The following ZMYND11 variants were observed in gnomAD, a reference collection of about 807,000 sequenced individuals.
ZMYND11 encodes the protein zinc finger MYND-type containing 11, also known as zinc finger MYND domain-containing protein 11.
ZMYND11 carries 9 observed loss-of-function variants against 84.9 expected under a neutral mutation model. That is an observed-to-expected ratio of 0.11 (90% confidence interval 0.06 to 0.18). ZMYND11 has a LOEUF of 0.18. Among genes scored for constraint, ZMYND11 ranks in the 10% least tolerant of loss-of-function variants. The pLI, the probability that ZMYND11 is intolerant of heterozygous loss-of-function variation, is 1.00. For missense variants in ZMYND11, 409 were observed against 761.0 expected, an observed-to-expected ratio of 0.54 and a Z score of 5.44; for synonymous variants, 250 against 244.1, an observed-to-expected ratio of 1.02 and a Z score of -0.23.
intron 1 of ZMYND11, among the ~76,000 whole-genome samples, chr10:161,337 A>G (rs1350823110): frequency 1.3e-5 from 2 of 150,942 alleles, no homozygotes; most frequent in Admixed American, 1.3e-4. Context: ...GTTAACAGAC[A>G]TGCTGTCATG....
intron 2 of ZMYND11, among the ~76,000 whole-genome samples, chr10:207,554 C>A (rs1365980628): frequency 2.0e-5 from 3 of 152,208 alleles, no homozygotes; most frequent in Non-Finnish European, 4.4e-5. Context: ...GATGGTATCT[C>A]ATTGTGGTTT....
Position 204,058 on chromosome 10 carries a change from A to G in ZMYND11, c.117-5831A>G, listed in dbSNP as rs571861120. Among the ~76,000 whole-genome samples the G allele has an allele frequency of 1.1e-3, 161 of 152,246 alleles. No individual in the cohort carries two copies. In the South Asian group the frequency reaches 0.013, roughly 12 times the overall value. The stretch of plus-strand genomic sequence containing the variant: ...GTTTCTTGCTGCCAGCAATACTAAA[A>G]TGAATTTCCTTCCTTGTATGTGTGT... On this transcript the variant is annotated intron_variant, in intron 2 of 14. Coordinates refer to ENST00000381604, the MANE Select transcript of ZMYND11 (RefSeq NM_001370100.5).
At chr10:206,082 G>A (rs920234654) in intron 2 of ZMYND11, among the ~76,000 whole-genome samples, 28 of 151,206 alleles carry the variant, frequency 1.9e-4, no homozygotes, top group East Asian at 5.8e-4. Context: ...AAATCAGGCC[G>A]GGCGCGGTGG....
At chr10:221,584 C>A (rs1365657121) in intron 4 of ZMYND11, among the ~76,000 whole-genome samples, 2 of 152,168 alleles carry the variant, frequency 1.3e-5, no homozygotes, top group Non-Finnish European at 2.9e-5. Flanking sequence ...ATATCCTCTT[C>A]CCTTCCCTTA....
chr10:179,017 A>G (rs1277907525), intron 1 of ZMYND11, among the ~76,000 whole-genome samples: 4 of 152,206 alleles, frequency 2.6e-5, no homozygotes, highest in Non-Finnish European at 4.4e-5. Context: ...AGGGCAGGTC[A>G]AGGAGATTTC....
chr10:227,555 AAAAT>A (rs1327954839), intron 4 of ZMYND11, among the ~76,000 whole-genome samples: 1 of 152,172 alleles, frequency 6.6e-6, no homozygotes, highest in East Asian at 1.9e-4. Flanking sequence ...TAAAGAAAAA[AAAAT>A]CATGATGAAG....
intron 1 of ZMYND11, chr10:148,385 A>G (rs1403924401): frequency 6.6e-6 from 1 of 151,202 alleles, no homozygotes; most frequent in Non-Finnish European, 1.5e-5. Flanking sequence ...AAGAAGTCCT[A>G]ACTTCCTTTG....
intron 3 of ZMYND11, chr10:218,471 C>CT: frequency 2.6e-6 from 1 of 390,946 alleles, no homozygotes; most frequent in South Asian, 2.0e-5. Context: ...AGTATGCAGC[C>CT]TTTCTCCAGG....
chr10:248,812 C>T (rs1429782599), intron 13 of ZMYND11, 91 bp from the exon 14 acceptor site: 4 of 1,478,782 alleles, frequency 2.7e-6, no homozygotes, highest in Non-Finnish European at 9.1e-7. Context: ...AAAAAGGTAC[C>T]TCATGCAAGT....
chr10:245,622 T>C (rs1053303989), intron 10 of ZMYND11, among the ~76,000 whole-genome samples: 3 of 152,364 alleles, frequency 2.0e-5, no homozygotes, highest in Admixed American at 6.5e-5. Flanking sequence ...TCATTTGTGA[T>C]GTTCCCTCTG....
rs890095212 is a variant in ZMYND11, at chr10:138,968, G to A, written c.-20+3409G>A. Among the ~76,000 whole-genome samples the A allele has an allele frequency of 2.0e-5, 3 of 152,054 alleles. No individual in the cohort carries two copies. In the East Asian group the frequency reaches 5.8e-4, roughly 29 times the overall value. ...AAGTGATTCTCCTGCTTCAGCCTGGGATTATAGGCGCCCGCCACTGTGCCT... is the reference window on the plus strand; with the variant it reads ...AAGTGATTCTCCTGCTTCAGCCTGGAATTATAGGCGCCCGCCACTGTGCCT... On this transcript the variant is annotated intron_variant, in intron 1 of 14. Coordinates refer to ENST00000381604, the MANE Select transcript of ZMYND11 (RefSeq NM_001370100.5).
intron 4 of ZMYND11, among the ~76,000 whole-genome samples, chr10:222,473 A>G (rs965533285): frequency 2.6e-5 from 4 of 152,180 alleles, no homozygotes; most frequent in African/African-American, 9.7e-5. Context: ...CCTAAGTCTG[A>G]GTAAATCAGT....
At chr10:161,916 T>A (rs1554761978) in intron 1 of ZMYND11, among the ~76,000 whole-genome samples, 2 of 152,232 alleles carry the variant, frequency 1.3e-5, no homozygotes, top group Admixed American at 1.3e-4. Context: ...AAAGAACGCT[T>A]TTAATTTCCT....
chr10:144,689 A>G (rs1401237123), intron 1 of ZMYND11, among the ~76,000 whole-genome samples: 3 of 126,428 alleles, frequency 2.4e-5, no homozygotes, highest in African/African-American at 9.2e-5. Flanking sequence ...TCAGAATCTC[A>G]GGGGTTGAGT....
At chr10:246,733 G>A (rs1469116579) in intron 10 of ZMYND11, 33 bp from the exon 11 acceptor site, 1 of 1,606,734 alleles carries the variant, frequency 6.2e-7, no homozygotes, top group Non-Finnish European at 8.5e-7. Context: ...CATTTGGGAT[G>A]TTTCTAACTA....
intron 2 of ZMYND11, among the ~76,000 whole-genome samples, chr10:198,801 A>G (rs565335668): frequency 2.0e-5 from 3 of 152,334 alleles, no homozygotes; most frequent in East Asian, 1.9e-4. Context: ...ATTGTGTGCC[A>G]TATATCTATT....
chr10:223,415 A>G (rs1345205554), intron 4 of ZMYND11, among the ~76,000 whole-genome samples: 1 of 152,124 alleles, frequency 6.6e-6, no homozygotes, highest in Non-Finnish European at 1.5e-5. Context: ...CAGAAACATG[A>G]TTACCCTATT....
chr10:158,586 T>C (rs1159629901), intron 1 of ZMYND11, among the ~76,000 whole-genome samples: 1 of 149,626 alleles, frequency 6.7e-6, no homozygotes, highest in Non-Finnish European at 1.5e-5. Flanking sequence ...CCAGCTAATT[T>C]TTTTTTTTTT....
intron 2 of ZMYND11, among the ~76,000 whole-genome samples, chr10:193,289 A>G (rs1940908915): frequency 6.6e-6 from 1 of 152,206 alleles, no homozygotes; most frequent in Non-Finnish European, 1.5e-5. Context: ...TTTGGGATTT[A>G]AACTTGAAAA....
Sources: gnomAD v4.1 joint callset for allele counts (sites outside exome capture counted in the v4.1 genomes callset) on GRCh38, gnomAD v4.1.1 for gene constraint, MANE v1.5 for transcripts, NCBI Gene and HGNC (gene_info 2026-07-23, HGNC 2026-07-21) for gene names.